The following RASSF3 variants were observed in gnomAD, a reference collection of about 807,000 sequenced individuals.
The protein encoded by RASSF3 is ras association domain-containing protein 3.
In RASSF3, 19 loss-of-function variants were observed where a neutral mutation model predicts 19.9. The ratio of observed to expected loss-of-function variants is 0.96; its 90% confidence interval spans 0.67 to 1.40. The LOEUF (loss-of-function observed/expected upper bound fraction) is 1.40, where lower values mean the gene tolerates loss of function less well. RASSF3 is among the 40% of genes most tolerant of loss of function. The pLI is 0.00. For synonymous variants in RASSF3, 110 were observed against 104.2 expected, an observed-to-expected ratio of 1.06 and a Z score of -0.34; for missense variants, 306 against 289.8, an observed-to-expected ratio of 1.06 and a Z score of -0.41.
At chr12:64,622,590 C>T in intron 1 of RASSF3, 1 of 480,984 alleles carries the variant, frequency 2.1e-6, no homozygotes, top group African/African-American at 2.0e-5. Context: ...ATTACTTTTG[C>T]ACCAACTTAA....
At chr12:64,566,922 C>T (rs530519088) in intron 2 of RASSF3, among the ~76,000 whole-genome samples, 6 of 152,138 alleles carry the variant, frequency 3.9e-5, no homozygotes, top group East Asian at 1.9e-4. Context: ...ATTGCTGAAG[C>T]GATTAGGTCC....
intron 3 of RASSF3, among the ~76,000 whole-genome samples, chr12:64,689,319 A>G (rs562958666): frequency 6.6e-6 from 1 of 151,558 alleles, no homozygotes; most frequent in East Asian, 1.9e-4. Flanking sequence ...AAATATATTA[A>G]CCTTGACATG....
At chr12:64,672,339 C>T (rs1158964383) in intron 1 of RASSF3, among the ~76,000 whole-genome samples, 6 of 152,164 alleles carry the variant, frequency 3.9e-5, no homozygotes, top group African/African-American at 1.2e-4. Context: ...GATTCTCCTG[C>T]CTCAGCCTCC....
intron 2 of RASSF3, among the ~76,000 whole-genome samples, chr12:64,600,575 T>A (rs144225808): frequency 6.6e-6 from 1 of 152,226 alleles, no homozygotes; most frequent in African/African-American, 2.4e-5. Flanking sequence ...TTGTTTTTTT[T>A]CTTTCTCATT....
chr12:64,619,534 T>A (rs1445380243), intron 1 of RASSF3, among the ~76,000 whole-genome samples: 1 of 152,204 alleles, frequency 6.6e-6, no homozygotes, highest in Non-Finnish European at 1.5e-5. Flanking sequence ...TAATTATATA[T>A]TGCCTCACTT....
At chr12:64,523,105 C>T (rs1326193879) in intron 1 of RASSF3, among the ~76,000 whole-genome samples, 1 of 152,078 alleles carries the variant, frequency 6.6e-6, no homozygotes, top group Non-Finnish European at 1.5e-5. Flanking sequence ...TGTTGATTTG[C>T]TCAAAAAAAT....
chr12:64,553,478 T>C (rs767564668), intron 2 of RASSF3, among the ~76,000 whole-genome samples: 2 of 152,144 alleles, frequency 1.3e-5, no homozygotes, highest in South Asian at 2.1e-4. Flanking sequence ...CAGGATAATA[T>C]GTCATTTGCA....
chr12:64,562,483 G>T (rs1411642648), intron 2 of RASSF3, among the ~76,000 whole-genome samples: 1 of 152,102 alleles, frequency 6.6e-6, no homozygotes, highest in East Asian at 1.9e-4. Flanking sequence ...TCAAACCATT[G>T]CTTTTCCATC....
At chr12:64,559,123 G>A (rs555164623) in intron 2 of RASSF3, among the ~76,000 whole-genome samples, 10 of 152,260 alleles carry the variant, frequency 6.6e-5, no homozygotes, top group Non-Finnish European at 1.0e-4. Context: ...TGCCATCGGC[G>A]CTGACCTGCG....
intron 1 of RASSF3, among the ~76,000 whole-genome samples, chr12:64,658,087 C>T (rs1872221851): frequency 6.6e-6 from 1 of 152,108 alleles, no homozygotes; most frequent in Admixed American, 6.6e-5. Flanking sequence ...GCGTTATGCT[C>T]CCCTGTGGTA....
chr12:64,689,947 T>C (rs1273342194), intron 3 of RASSF3, among the ~76,000 whole-genome samples: 1 of 148,926 alleles, frequency 6.7e-6, no homozygotes, highest in African/African-American at 2.5e-5. Context: ...CGCCACCACG[T>C]CTGGCTAATT....
chr12:64,544,583 C>T (rs1462391225), downstream of RASSF3, among the ~76,000 whole-genome samples: 1 of 151,736 alleles, frequency 6.6e-6, no homozygotes, highest in African/African-American at 2.4e-5. Flanking sequence ...GCACCACTGC[C>T]CTTAAGCCTG....
intron 1 of RASSF3, among the ~76,000 whole-genome samples, chr12:64,631,966 C>T (rs1247745746): frequency 2.6e-5 from 4 of 152,098 alleles, no homozygotes; most frequent in Non-Finnish European, 5.9e-5. Context: ...TGCCTCCCTT[C>T]GCACTGGAAG....
chr12:64,528,105 C>A (rs188800246), intron 1 of RASSF3, among the ~76,000 whole-genome samples: 16 of 152,024 alleles, frequency 1.1e-4, no homozygotes, highest in Non-Finnish European at 2.4e-4. Context: ...AACACACACA[C>A]ACAAAATGTT....
At chr12:64,685,340 G>T (rs909590945) in intron 2 of RASSF3, among the ~76,000 whole-genome samples, 6 of 152,042 alleles carry the variant, frequency 3.9e-5, no homozygotes, top group African/African-American at 1.5e-4. Context: ...CGACCTCCGG[G>T]CTCAAGTAAT....
At chr12:64,553,734 T>C (rs1869204430) in intron 2 of RASSF3, among the ~76,000 whole-genome samples, 1 of 152,092 alleles carries the variant, frequency 6.6e-6, no homozygotes, top group Admixed American at 6.6e-5. Flanking sequence ...CCCAGCACTT[T>C]GGGAGGTGGA....
At chr12:64,522,655 T>C (rs1027408905) in intron 1 of RASSF3, among the ~76,000 whole-genome samples, 1 of 152,150 alleles carries the variant, frequency 6.6e-6, no homozygotes, top group Non-Finnish European at 1.5e-5. Context: ...ATATAAGGAC[T>C]ATGAAACTTG....
intron 1 of RASSF3, among the ~76,000 whole-genome samples, chr12:64,628,700 T>TTGGCCATGC (rs548839824): frequency 4.9e-4 from 74 of 152,286 alleles, no homozygotes; most frequent in African/African-American, 1.6e-3. Flanking sequence ...TTCTGCCATG[T>TTGGCCATGC]TGGCCATGCT....
At chr12:64,630,466 C>T (rs1410810242) in intron 1 of RASSF3, among the ~76,000 whole-genome samples, 1 of 152,142 alleles carries the variant, frequency 6.6e-6, no homozygotes, top group Non-Finnish European at 1.5e-5. Flanking sequence ...TTTGAGGCTG[C>T]AGTGAGCTAT....
Sources: gnomAD v4.1 joint callset for allele counts (sites outside exome capture counted in the v4.1 genomes callset) on GRCh38, gnomAD v4.1.1 for gene constraint, MANE v1.5 for transcripts, NCBI Gene and HGNC (gene_info 2026-07-23, HGNC 2026-07-21) for gene names.